The following NRXN3 variants were observed in gnomAD, a reference collection of about 807,000 sequenced individuals.
NRXN3 encodes neurexin III.
In NRXN3, 32 loss-of-function variants were observed where a neutral mutation model predicts 137.6. The observed-to-expected ratio is 0.23, with a 90% CI of 0.18 to 0.31. NRXN3 has a LOEUF of 0.31. Ranked by LOEUF, NRXN3 falls within the 10% of genes least tolerant of loss-of-function variation. NRXN3 has a pLI of 1.00. For missense variants in NRXN3, 1,574 were observed against 2,062.5 expected (o/e 0.76, Z 4.59); for synonymous variants, 798 against 784.5 (o/e 1.02, Z -0.29).
chr14:78,969,016 A>G (rs1382688599), intron 14 of NRXN3, among the ~76,000 whole-genome samples: 1 of 152,214 alleles, frequency 6.6e-6, no homozygotes, highest in Non-Finnish European at 1.5e-5. Context: ...TCTGTAAGCT[A>G]TATCTTTCTT....
chr14:79,857,413 G>A (rs1258785679), intron 20 of NRXN3, among the ~76,000 whole-genome samples: 1 of 152,024 alleles, frequency 6.6e-6, no homozygotes, highest in Admixed American at 6.6e-5. Context: ...TAGTAGAGAT[G>A]GGGTTTCACC....
intron 16 of NRXN3, among the ~76,000 whole-genome samples, chr14:79,486,089 A>G (rs1374601637): frequency 3.9e-5 from 6 of 152,156 alleles, no homozygotes; most frequent in Admixed American, 6.5e-5. Context: ...ATCATTAAAC[A>G]TTTAATTTTA....
intron 4 of NRXN3, among the ~76,000 whole-genome samples, chr14:78,318,094 A>G (rs1597262557): frequency 6.6e-6 from 1 of 152,078 alleles, no homozygotes; most frequent in Admixed American, 6.5e-5. Flanking sequence ...GGGGGTGTAT[A>G]TTTTTCATCC....
chr14:79,276,727 A>G (rs867252114), intron 15 of NRXN3, among the ~76,000 whole-genome samples: 45 of 150,960 alleles, frequency 3.0e-4, no homozygotes, highest in African/African-American at 1.1e-3. Context: ...AAAAAAAAAA[A>G]GAAAAACAGT....
chr14:79,494,777 T>C (rs1016241707), intron 16 of NRXN3, among the ~76,000 whole-genome samples: 1 of 152,210 alleles, frequency 6.6e-6, no homozygotes, highest in African/African-American at 2.4e-5. Flanking sequence ...GTAACCGTGA[T>C]ACATGGTTTG....
At chr14:78,873,129 C>A (rs1443206162) in intron 10 of NRXN3, among the ~76,000 whole-genome samples, 1 of 152,186 alleles carries the variant, frequency 6.6e-6, no homozygotes, top group Non-Finnish European at 1.5e-5. Context: ...GGTTCTACAG[C>A]AAAATATCCT....
intron 15 of NRXN3, among the ~76,000 whole-genome samples, chr14:79,285,876 T>G (rs2082160723): frequency 1.9e-5 from 1 of 51,964 alleles, no homozygotes; most frequent in African/African-American, 7.3e-5. Flanking sequence ...CCCCCCACCA[T>G]CCCCCGCCCA....
At chr14:78,827,295 A>G (rs922148274) in intron 10 of NRXN3, among the ~76,000 whole-genome samples, 3 of 151,992 alleles carry the variant, frequency 2.0e-5, no homozygotes, top group Non-Finnish European at 4.4e-5. Context: ...ATACAAAAGA[A>G]CATTCCAGAA....
At chr14:78,395,592 G>C (rs188623700) in intron 4 of NRXN3, among the ~76,000 whole-genome samples, 1 of 151,770 alleles carries the variant, frequency 6.6e-6, no homozygotes, top group Non-Finnish European at 1.5e-5. Flanking sequence ...TTGTCCTATC[G>C]ATTATTGAGA....
At chr14:79,427,560 C>G (rs2095673530) in intron 15 of NRXN3, among the ~76,000 whole-genome samples, 2 of 152,146 alleles carry the variant, frequency 1.3e-5, no homozygotes, top group African/African-American at 4.8e-5. Flanking sequence ...CGCCTGTAAT[C>G]CCAGCACTTT....
intron 15 of NRXN3, among the ~76,000 whole-genome samples, chr14:79,083,078 T>A (rs2047378759): frequency 6.6e-6 from 1 of 152,204 alleles, no homozygotes; most frequent in Admixed American, 6.5e-5. Context: ...CAGCAGCATC[T>A]CCAAACAAAA....
In NRXN3 at chr14:79,863,705, T is replaced by C. The variant is rs1005546162; in HGVS notation, c.*1741T>C. 3 of 152,644 alleles carry C rather than the reference T, an allele frequency of 2.0e-5. No individual in the cohort carries two copies. Among genetic ancestry groups the C allele is most frequent in the Admixed American group, 6.5e-5 (1 of 15,288 alleles). 9.5% of individuals were successfully genotyped at this position (152,644 alleles called of 1,614,324 possible). ...ATGTACAGAAAAACAATAAACTGGT[T>C]GTATGGCCATAGCTATCCGAAAAGC... On this transcript the variant is annotated 3_prime_UTR_variant, in exon 21 of 21. Transcript: ENST00000335750.
chr14:79,295,129 C>T (rs565328956), intron 15 of NRXN3, among the ~76,000 whole-genome samples: 1 of 152,204 alleles, frequency 6.6e-6, no homozygotes, highest in South Asian at 2.1e-4. Flanking sequence ...CCCAACTTCA[C>T]CTCCTAACAT....
chr14:79,218,571 T>C (rs1434905211), intron 15 of NRXN3, among the ~76,000 whole-genome samples: 1 of 151,740 alleles, frequency 6.6e-6, no homozygotes, highest in Non-Finnish European at 1.5e-5. Flanking sequence ...GAAGCTGGGA[T>C]AAAAAAAGGA....
intron 19 of NRXN3, among the ~76,000 whole-genome samples, chr14:79,710,197 GTC>G (rs1243442556): frequency 6.6e-6 from 1 of 151,704 alleles, no homozygotes; most frequent in Non-Finnish European, 1.5e-5. Flanking sequence ...TCTTTATTGA[GTC>G]TCTGTCTGCT....
chr14:78,648,294 T>C (rs780219291), intron 5 of NRXN3, among the ~76,000 whole-genome samples: 5 of 152,382 alleles, frequency 3.3e-5, no homozygotes, highest in Middle Eastern at 3.4e-3. Context: ...TTTACCTCTA[T>C]GTGTTAACTT....
At chr14:79,604,822 A>G (rs2097981749) in intron 16 of NRXN3, among the ~76,000 whole-genome samples, 1 of 151,952 alleles carries the variant, frequency 6.6e-6, no homozygotes, top group South Asian at 2.1e-4. Context: ...ACTTGAGGTC[A>G]GGAGTTTGAG....
At chr14:79,099,656 TAA>T (rs2050924029) in intron 15 of NRXN3, among the ~76,000 whole-genome samples, 1 of 152,190 alleles carries the variant, frequency 6.6e-6, no homozygotes, top group Admixed American at 6.5e-5. Flanking sequence ...GTTTAAATCC[TAA>T]GTCTTATGAG....
At chr14:78,463,503 T>G (rs1359566388) in intron 4 of NRXN3, among the ~76,000 whole-genome samples, 5 of 151,860 alleles carry the variant, frequency 3.3e-5, no homozygotes, top group Admixed American at 3.3e-4. Context: ...TGTATTAATT[T>G]ACATTCCTAC....
Sources: allele counts gnomAD v4.1 joint callset (sites outside exome capture counted in the v4.1 genomes callset), GRCh38; gene constraint gnomAD v4.1.1; transcripts MANE v1.5; gene names NCBI Gene and HGNC (gene_info 2026-07-23, HGNC 2026-07-21).